Variants in FBXL18 observed in about 807,000 individuals in gnomAD.
The protein encoded by FBXL18 is F-box and leucine rich repeat protein 18.
Under a neutral mutation model 46.0 loss-of-function variants are expected in FBXL18, and 36 were observed. The observed-to-expected ratio is 0.78, with a 90% CI of 0.60 to 1.03. The LOEUF is 1.03. Ranked by LOEUF, FBXL18 falls within the 50% of genes least tolerant of loss-of-function variation. The probability of loss-of-function intolerance (pLI) is 0.00; values close to 1 mark genes in which losing one functional copy is unlikely to be tolerated. For missense variants in FBXL18, 977 were observed against 1,004.1 expected (o/e 0.97, Z 0.36); for synonymous variants, 557 against 465.3 (o/e 1.20, Z -2.54).
chr7:5,509,815 C>A (rs1047721446), intron 1 of FBXL18, among the ~76,000 whole-genome samples: 2 of 151,836 alleles, frequency 1.3e-5, no homozygotes, highest in Non-Finnish European at 2.9e-5. Context: ...CCAGACAAGA[C>A]GAGAAACTGG....
intron 4 of FBXL18, among the ~76,000 whole-genome samples, chr7:5,469,409 CA>C (rs1305257459): frequency 5.3e-5 from 8 of 152,058 alleles, no homozygotes; most frequent in Non-Finnish European, 8.8e-5. Flanking sequence ...AAGACTGTCT[CA>C]AAAAAAATTT....
At chr7:5,483,166 C>T (rs996431598) in intron 4 of FBXL18, among the ~76,000 whole-genome samples, 6 of 152,114 alleles carry the variant, frequency 3.9e-5, no homozygotes, top group South Asian at 2.1e-4. Context: ...CCAGGACGGG[C>T]GCAGTGACTC....
In FBXL18 at chr7:5,465,042, G is replaced by A. The variant is rs115577467; in HGVS notation, c.2001-17199C>T. Reference sequence around the variant, plus strand: ...TGTGCCATTGCACTCCAGCCTGGGCGACAGAACGAAGCTCCATCTCAACAA... The same window carrying A: ...TGTGCCATTGCACTCCAGCCTGGGCAACAGAACGAAGCTCCATCTCAACAA... On this transcript the variant is annotated intron_variant and NMD_transcript_variant, in intron 4 of 6. Transcript: ENST00000415009. Among the ~76,000 whole-genome samples, 729 of 152,162 alleles carry A rather than the reference G, an allele frequency of 4.8e-3. 7 individuals carry two copies. Among genetic ancestry groups the A allele is most frequent in the African/African-American group, 0.017 (698 of 41,532 alleles).
chr7:5,497,084 C>G lies in FBXL18; in HGVS notation c.1781+3404G>C, dbSNP rs1369958911. ...GGCATGGTCGCATGTGCCTATAGTC[C>G]CAGCTACTCGGGAGGCTGAGGTGGG... On this transcript the variant is annotated intron_variant, in intron 3 of 4. Coordinates refer to ENST00000382368, the MANE Select transcript of FBXL18 (RefSeq NM_024963.6). 2.0e-5 allele frequency among the ~76,000 whole-genome samples: 3 copies of G among 150,986 alleles called. No individual in the cohort carries two copies. The East Asian group carries it at 5.8e-4, about 29-fold the overall frequency.
rs761674323 is a variant in FBXL18 at position 5,491,269 on chromosome 7, G to A, written c.1962C>T (p.Leu654=). The A allele has an allele frequency of 1.5e-5, 24 of 1,613,128 alleles. No individual in the cohort carries two copies. The East Asian group carries it at 2.2e-4, about 15-fold the overall frequency. Reference sequence around the variant, plus strand: ...ACTGCTGCAGGCTCTTGCAGGTGGCGAGGGACTCCCCGGTGAACAGGTGGC... The same window carrying A: ...ACTGCTGCAGGCTCTTGCAGGTGGCAAGGGACTCCCCGGTGAACAGGTGGC... ...VMCHLFTGES[L]ATCKSLQQSL... Residue 654 remains leucine (L), a synonymous_variant, in exon 4 of 5, where the codon CTC becomes CTT. Coordinates refer to ENST00000382368, the MANE Select transcript of FBXL18 (RefSeq NM_024963.6).
At chr7:5,510,817 C>G (rs911941157) in intron 1 of FBXL18, among the ~76,000 whole-genome samples, 1 of 152,132 alleles carries the variant, frequency 6.6e-6, no homozygotes, top group African/African-American at 2.4e-5. Flanking sequence ...GCTGAGGCTT[C>G]CAGACAGGTC....
At chr7:5,512,637 G>A (rs1210178949) in intron 1 of FBXL18, among the ~76,000 whole-genome samples, 1 of 152,022 alleles carries the variant, frequency 6.6e-6, no homozygotes, top group Non-Finnish European at 1.5e-5. Flanking sequence ...AGGAACAGAG[G>A]GGGCTTTAAG....
downstream of FBXL18, among the ~76,000 whole-genome samples, chr7:5,474,023 C>T (rs938567394): frequency 1.8e-4 from 27 of 151,984 alleles, no homozygotes; most frequent in Admixed American, 3.3e-4. Context: ...TCTCAAACTC[C>T]TGACCTCAGG....
chr7:5,506,239 C>T (rs547109896), intron 1 of FBXL18, among the ~76,000 whole-genome samples: 5 of 151,410 alleles, frequency 3.3e-5, no homozygotes, highest in African/African-American at 1.2e-4. Context: ...CCACCATGCC[C>T]GGCCTCTTTT....
At chr7:5,463,731 T>TATTTATTTTTTTTTA (rs57672683) in intron 4 of FBXL18, among the ~76,000 whole-genome samples, 1 of 53,856 alleles carries the variant, frequency 1.9e-5, no homozygotes, top group South Asian at 5.6e-4. Context: ...TTTATTTATT[T>TATTTATTTTTTTTTA]TTTTTTTTTT....
chr7:5,509,420 G>A (rs565749260), intron 1 of FBXL18, among the ~76,000 whole-genome samples: 14 of 152,094 alleles, frequency 9.2e-5, no homozygotes, highest in Middle Eastern at 6.8e-3. Flanking sequence ...TTGGACAGGC[G>A]CGGTGGCTCA....
chr7:5,490,139 G>T (rs756157439), intron 4 of FBXL18: 14 of 1,357,812 alleles, frequency 1.0e-5, no homozygotes, highest in Non-Finnish European at 1.4e-5. Context: ...CCAGTGGCTC[G>T]AGACGTCCTG....
At chr7:5,500,323 A>T (rs1319848787) in intron 3 of FBXL18, among the ~76,000 whole-genome samples, 165 bp downstream of exon 3, 1 of 151,960 alleles carries the variant, frequency 6.6e-6, no homozygotes, top group Non-Finnish European at 1.5e-5. Context: ...GCTCCTCTAG[A>T]TGCCGCTCTC....
intron 4 of FBXL18, among the ~76,000 whole-genome samples, chr7:5,458,752 T>C (rs2128230683): frequency 6.6e-6 from 1 of 151,860 alleles, no homozygotes; most frequent in East Asian, 1.9e-4. Flanking sequence ...TCCCAGCTAC[T>C]TTGGAGGCTG....
chr7:5,470,507 A>T (rs1783409925), intron 4 of FBXL18, among the ~76,000 whole-genome samples: 1 of 152,132 alleles, frequency 6.6e-6, no homozygotes, highest in African/African-American at 2.4e-5. Context: ...CGCAGTTCTG[A>T]GCTGCCCAGA....
At chr7:5,466,128 T>C (rs1298280991) in intron 4 of FBXL18, among the ~76,000 whole-genome samples, 1 of 149,630 alleles carries the variant, frequency 6.7e-6, no homozygotes, top group African/African-American at 2.5e-5. Flanking sequence ...CTCCTGAATC[T>C]ATTTTTAAAA....
intron 3 of FBXL18, among the ~76,000 whole-genome samples, chr7:5,499,909 T>A (rs4075745): frequency 0.46 from 68,568 of 150,698 alleles, 15,883 homozygotes; most frequent in East Asian, 0.69. Flanking sequence ...ATTTTAAAAA[T>A]ATATATATAG....
At position 5,496,475 on chromosome 7, in the gene FBXL18, T is replaced by C. The variant is rs903539628; in HGVS notation, c.1781+4013A>G. The stretch of plus-strand genomic sequence containing the variant: ...CAATCCGTGGGCTCACCTGGATCCA[T>C]AGGTGGCTAAAGGCCACCTATGAGC... On this transcript the variant is annotated intron_variant, in intron 3 of 4. Transcript: ENST00000382368. The surrounding 1 kb of genome is among the most constrained non-coding windows in gnomAD (Gnocchi z 4.8). 8.9e-6 allele frequency among the ~76,000 whole-genome samples: 1 copy of C among 112,468 alleles called. No homozygotes were observed. Among genetic ancestry groups the C allele is most frequent in the Non-Finnish European group, 1.9e-5 (1 of 51,310 alleles). 73.8% of individuals were successfully genotyped at this position (112,468 alleles called of 152,430 possible). A position where few individuals can be genotyped will look rare whatever the true frequency, so the allele number is the denominator to read the frequency against.
intron 1 of FBXL18, among the ~76,000 whole-genome samples, chr7:5,512,501 G>A (rs938828307): frequency 1.2e-4 from 18 of 152,046 alleles, no homozygotes; most frequent in African/African-American, 3.9e-4. Flanking sequence ...TGTAACCCCA[G>A]CTACTTGGAA....
Sources: allele counts gnomAD v4.1 joint callset (sites outside exome capture counted in the v4.1 genomes callset), GRCh38; gene constraint gnomAD v4.1.1; non-coding constraint Gnocchi (gnomAD v3.1); transcripts MANE v1.5; gene names NCBI Gene and HGNC (gene_info 2026-07-23, HGNC 2026-07-21).